The following ZNF217 variants were observed in gnomAD, a reference collection of about 807,000 sequenced individuals.
ZNF217 encodes zinc finger protein 217.
In ZNF217, 12 loss-of-function variants were observed where a neutral mutation model predicts 73.3. The observed-to-expected ratio is 0.16, with a 90% confidence interval of 0.10 to 0.27. The LOEUF (loss-of-function observed/expected upper bound fraction) is 0.27, where lower values mean the gene tolerates loss of function less well. ZNF217 is among the 10% of genes least tolerant of loss of function. The pLI, the probability that ZNF217 is intolerant of heterozygous loss-of-function variation, is 1.00. For missense variants in ZNF217, 1,195 were observed against 1,327.8 expected (o/e 0.90, Z 1.55); for synonymous variants, 588 against 516.4 (o/e 1.14, Z -1.88).
Position 53,569,272 on chromosome 20 carries a change from AAAC to A in ZNF217, c.*24-11_*24-9del, listed in dbSNP as rs1302791294. On this transcript the variant is annotated splice_polypyrimidine_tract_variant and intron_variant, in intron 5 of 5. Transcript: ENST00000371471. ...ACTGACATCCACCAAGACCTAAGGA[AAAC>A]AACATTTTTTAAATGATTAAGATCA... The A allele has an allele frequency of 7.6e-7, 1 of 1,311,806 alleles. No individual in the cohort carries two copies. The highest frequency in any genetic ancestry group is 2.2e-4 in the Middle Eastern group (1 of 4,456). The allele number at this position is 1,311,806 out of a possible 1,614,324, so 81.3% of individuals were successfully genotyped here. A position where few individuals can be genotyped will look rare whatever the true frequency, so the allele number is the denominator to read the frequency against.
upstream of ZNF217, among the ~76,000 whole-genome samples, chr20:53,597,135 C>T (rs1385671859): frequency 6.9e-6 from 1 of 144,918 alleles, no homozygotes; most frequent in African/African-American, 2.5e-5. Flanking sequence ...CTGTATTTAA[C>T]ACTTACTGGA....
intron 2 of ZNF217, among the ~76,000 whole-genome samples, chr20:53,580,005 C>CA (rs1295851899): frequency 4.6e-5 from 7 of 152,208 alleles, no homozygotes; most frequent in African/African-American, 1.7e-4. Context: ...GGAACTGGGG[C>CA]ATCTCACAGG....
intron 5 of ZNF217, among the ~76,000 whole-genome samples, chr20:53,570,082 C>A (rs1392220080): frequency 2.6e-5 from 4 of 152,112 alleles, no homozygotes; most frequent in Non-Finnish European, 4.4e-5. Flanking sequence ...GACACCAGCT[C>A]CAGATACAGG....
Position 53,576,538 on chromosome 20 carries a change from G to C in ZNF217, c.2226C>G (p.Asn742Lys). 1 of 1,614,236 alleles carries C rather than the reference G, an allele frequency of 6.2e-7. No individual in the cohort carries two copies. The highest frequency in any genetic ancestry group is 8.5e-7 in the Non-Finnish European group (1 of 1,180,040). The stretch of plus-strand genomic sequence containing the variant: ...TTCTAAGCAAGGACTTGTTTCGACA[G>C]TTTTTATGAACGTCAGGATTGTATT... ...EHKYNPDVHK[N>K]CRNKSLLRSR... The change falls in exon 4 of 6, where the codon AAC becomes AAG. Residue 742 changes from asparagine to lysine, a missense_variant. Physicochemically the swap from Asn to Lys is moderately conservative, Grantham distance 94 (BLOSUM62 0). Around this residue, in one of 9 missense-constraint regions of ZNF217, gnomAD observed 649 missense variants for 642.8 expected, o/e 1.01. Transcript: ENST00000371471.
At position 53,582,583 on chromosome 20, in the gene ZNF217, T is replaced by C. The variant is rs770326728; in HGVS notation, c.244A>G (p.Lys82Glu). Residue 82 changes from lysine to glutamate, a missense_variant, in exon 2 of 6, where the codon AAA becomes GAA. By Grantham distance (56) the Lys-to-Glu change is moderately conservative. This residue lies in a region of ZNF217 where 147 missense variants were observed against 184.3 expected (regional missense o/e 0.80). Transcript: ENST00000371471. The surrounding 1 kb of genome is among the most constrained non-coding windows in gnomAD (Gnocchi z 4.8). Reference sequence around the variant, plus strand: ...GGCCGGTGTTGCATTAAGACATGTTTATTAAGGTCTTCTGAATGTGTGAAG... The same window carrying C: ...GGCCGGTGTTGCATTAAGACATGTTCATTAAGGTCTTCTGAATGTGTGAAG... The part of the protein sequence containing the change: ...QTFTHSEDLN[K>E]HVLMQHRPTL... The C allele has an allele frequency of 1.9e-6, 3 of 1,614,208 alleles. No homozygotes were observed. The East Asian group carries it at 6.7e-5, about 36-fold the overall frequency.
At chr20:53,591,898 A>T (rs551108022) in intron 1 of ZNF217, among the ~76,000 whole-genome samples, 1 of 152,252 alleles carries the variant, frequency 6.6e-6, no homozygotes, top group Non-Finnish European at 1.5e-5. Context: ...AGGGGAAAGA[A>T]GTACAGTAAA....
chr20:53,591,559 A>G (rs1488977161), intron 1 of ZNF217, among the ~76,000 whole-genome samples: 1 of 152,236 alleles, frequency 6.6e-6, no homozygotes, highest in Non-Finnish European at 1.5e-5. Flanking sequence ...TGGCAGCAAC[A>G]TCAGGGTTAA....
At position 53,581,393 on chromosome 20, in the gene ZNF217, G is replaced by C; in HGVS notation, c.1366+68C>G. The C allele has an allele frequency of 6.6e-7, 1 of 1,523,924 alleles. No homozygotes were observed. Among genetic ancestry groups the C allele is most frequent in the Non-Finnish European group, 8.8e-7 (1 of 1,139,484 alleles). 94.4% of individuals were successfully genotyped at this position (1,523,924 alleles called of 1,614,324 possible). A position where few individuals can be genotyped will look rare whatever the true frequency, so the allele number is the denominator to read the frequency against. Reference sequence around the variant, plus strand: ...CCAGCGTTGTCTGGAGATGGGAATAGAGAGGGGGAGACGGGGAGACAGACA... The same window carrying C: ...CCAGCGTTGTCTGGAGATGGGAATACAGAGGGGGAGACGGGGAGACAGACA... On this transcript the variant is annotated intron_variant, in intron 2 of 5. Coordinates refer to ENST00000371471, the MANE Select transcript of ZNF217 (RefSeq NM_006526.3). This position sits in a 1 kb window ranked among gnomAD's most constrained non-coding sequence, Gnocchi z 4.9.
At chr20:53,588,625 T>C (rs7262799) in intron 1 of ZNF217, among the ~76,000 whole-genome samples, 83,173 of 136,086 alleles carry the variant, frequency 0.61, 22,977 homozygotes, top group Middle Eastern at 0.63. Flanking sequence ...TATATATATA[T>C]ACACACACAC....
At chr20:53,574,807 A>AG (rs1988177701) in intron 4 of ZNF217, 1 of 148,360 alleles carries the variant, frequency 6.7e-6, no homozygotes, top group East Asian at 2.0e-4. Context: ...AAAAAAAAAA[A>AG]AAAAGAAAGA....
rs1253095118 is a variant in ZNF217, at chr20:53,567,817, T to C, written c.*1471A>G. On this transcript the variant is annotated 3_prime_UTR_variant, in exon 6 of 6. Transcript: ENST00000371471. The stretch of plus-strand genomic sequence containing the variant: ...TAAGACTTCTATCAAGGAGGACATC[T>C]TACGTTGCATAATTTAAAAAAAAAA... 2 of 152,530 alleles carry C rather than the reference T, an allele frequency of 1.3e-5. No individual in the cohort carries two copies. The highest frequency in any genetic ancestry group is 2.4e-5 in the African/African-American group (1 of 41,416). The allele number at this position is 152,530 out of a possible 1,614,324, so 9.4% of individuals were successfully genotyped here. A position where few individuals can be genotyped will look rare whatever the true frequency, so the allele number is the denominator to read the frequency against.
Position 53,576,682 on chromosome 20 carries a change from A to G in ZNF217, c.2082T>C (p.Leu694=). 6.2e-7 allele frequency: 1 copy of G among 1,614,220 alleles called. No homozygotes were observed. Among genetic ancestry groups the G allele is most frequent in the Non-Finnish European group, 8.5e-7 (1 of 1,180,048 alleles). Residue 694 remains leucine, a synonymous_variant, in exon 4 of 6, where the codon CTT becomes CTC. Transcript: ENST00000371471. ...EKPLNLSVGA[L]HNCPAISLSK... ...TCAAAGAAATTGCCGGGCAATTGTG[A>G]AGAGCCCCCACGGATAAATTTAAAG...
At chr20:53,586,053 GGAT>G (rs1260135927) in intron 1 of ZNF217, among the ~76,000 whole-genome samples, 1 of 152,096 alleles carries the variant, frequency 6.6e-6, no homozygotes, top group Non-Finnish European at 1.5e-5. Flanking sequence ...GACAGCTCAA[GGAT>G]GACTTCCTCT....
At position 53,582,776 on chromosome 20, in the gene ZNF217, G is replaced by A; in HGVS notation, c.51C>T (p.Tyr17=). The A allele has an allele frequency of 1.9e-6, 3 of 1,613,950 alleles. No homozygotes were observed. Among genetic ancestry groups the A allele is most frequent in the Non-Finnish European group, 8.5e-7 (1 of 1,179,930 alleles). Residue 17 remains tyrosine (Y), a synonymous_variant, in exon 2 of 6, where the codon TAC becomes TAT. Transcript: ENST00000371471. This position sits in a 1 kb window ranked among gnomAD's most constrained non-coding sequence, Gnocchi z 4.8. Reference sequence around the variant, plus strand: ...TGCCAATCACTTCTGGCCCATCCATGTACATTAAGAGGGATTGAGTTGGCA... The same window carrying A: ...TGCCAATCACTTCTGGCCCATCCATATACATTAAGAGGGATTGAGTTGGCA... ...GNMPTQSLLM[Y]MDGPEVIGSS...
chr20:53,575,966 C>G lies in ZNF217; in HGVS notation c.2798G>C (p.Gly933Ala). ...GTCATAGCCTCTTCTGTAATTGGCC[C>G]CGGGCTGGTCAACGTCAAGGGCAAC... is the stretch of plus-strand genomic sequence containing the variant. ...SVVALDVDQP[G>A]ANYRRGYDLP... Residue 933 changes from glycine to alanine, a missense_variant, in exon 4 of 6, where the codon GGG becomes GCG. This residue lies in a region of ZNF217 where 649 missense variants were observed against 642.8 expected (regional missense o/e 1.01). Coordinates refer to ENST00000371471, the MANE Select transcript of ZNF217 (RefSeq NM_006526.3). 1 of 1,614,174 alleles carries G rather than the reference C, an allele frequency of 6.2e-7. No homozygotes were observed. Among genetic ancestry groups the G allele is most frequent in the Non-Finnish European group, 8.5e-7 (1 of 1,180,036 alleles).
At chr20:53,579,316 GATC>G (rs1463201240) in intron 2 of ZNF217, among the ~76,000 whole-genome samples, 30 of 152,206 alleles carry the variant, frequency 2.0e-4, no homozygotes, top group Non-Finnish European at 7.3e-5. Context: ...CCTCACTGTA[GATC>G]ATATCACTAT....
intron 1 of ZNF217, among the ~76,000 whole-genome samples, chr20:53,584,600 GACCCGAGTTCTAGTCACA>G (rs1568689684): frequency 1.3e-5 from 2 of 152,200 alleles, no homozygotes; most frequent in African/African-American, 4.8e-5. Context: ...ACACTCCAGA[GACCCGAGTTCTAGTCACA>G]ACCTTCAAGT....
intron 1 of ZNF217, among the ~76,000 whole-genome samples, chr20:53,588,214 C>T (rs1431680997): frequency 6.6e-6 from 1 of 151,962 alleles, no homozygotes; most frequent in Non-Finnish European, 1.5e-5. Context: ...TGCCTGAATT[C>T]ATCTTAAATC....
Position 53,575,837 on chromosome 20 carries a change from C to A in ZNF217, c.2927G>T (p.Ser976Ile), listed in dbSNP as rs749402188. The A allele has an allele frequency of 1.4e-5, 23 of 1,614,106 alleles. No individual in the cohort carries two copies. The highest frequency in any genetic ancestry group is 1.9e-5 in the Non-Finnish European group (23 of 1,180,060). ...LPPKPRFLSS[S>I]EVDSPNVLTV... ...CAGCACATTTGGAGAATCGACCTCGCTGGAGCTCAGGAACCTTGGTTTGGG... is the reference window on the plus strand; with the variant it reads ...CAGCACATTTGGAGAATCGACCTCGATGGAGCTCAGGAACCTTGGTTTGGG... The change falls in exon 4 of 6, where the codon AGC (serine) becomes ATC (isoleucine). Residue 976 changes from serine to isoleucine, a missense_variant. Ser to Ile is a moderately radical substitution (Grantham distance 142). Transcript: ENST00000371471.
Sources: gnomAD v4.1 joint callset for allele counts (sites outside exome capture counted in the v4.1 genomes callset) on GRCh38, gnomAD v4.1.1 for gene constraint, gnomAD v4.1.1 regional missense constraint, Gnocchi (gnomAD v3.1) non-coding constraint, MANE v1.5 for transcripts, NCBI Gene and HGNC (gene_info 2026-07-23, HGNC 2026-07-21) for gene names.